Variants in CHTF18 observed in about 807,000 individuals in gnomAD.
CHTF18 encodes the protein chromosome transmission fidelity protein 18 homolog.
In CHTF18, 151 loss-of-function variants were observed where a neutral mutation model predicts 113.4. The observed-to-expected ratio is 1.33, with a 90% confidence interval of 1.17 to 1.52. The LOEUF (loss-of-function observed/expected upper bound fraction) is 1.52. Among genes scored for constraint, CHTF18 ranks in the 40% most tolerant of loss-of-function variants. CHTF18 has a pLI of 0.00. For synonymous variants in CHTF18, 916 were observed against 598.8 expected, an observed-to-expected ratio of 1.53 and a Z score of -7.74; for missense variants, 1,982 against 1,381.6, an observed-to-expected ratio of 1.43 and a Z score of -6.89.
chr16:793,932 C>T (rs896513365), intron 14 of CHTF18, 122 bp from the exon 15 acceptor site: 30 of 1,131,734 alleles, frequency 2.7e-5, no homozygotes, highest in African/African-American at 4.6e-5. Context: ...GCAGCAAGGG[C>T]CCTGCTGAGA....
At chr16:788,905 C>A in intron 1 of CHTF18, 26 bp from the exon 2 acceptor site, 2 of 1,512,124 alleles carry the variant, frequency 1.3e-6, no homozygotes, top group Non-Finnish European at 8.8e-7. Flanking sequence ...CTCGGGGCGG[C>A]CGCTGACAAT....
At chr16:797,556 G>C (rs1402662473) in intron 20 of CHTF18, 138 bp from the exon 21 acceptor site, 3 of 841,078 alleles carry the variant, frequency 3.6e-6, no homozygotes, top group Non-Finnish European at 5.6e-6. Context: ...GGGGCAGCTG[G>C]CCTGGGCCAG....
rs2042112804 is a variant in CHTF18 at position 789,590 on chromosome 16, C to T, written c.481C>T (p.Pro161Ser). Reference protein sequence around the residue: ...AADVGLTRASPAARNPVLRRP... With the variant: ...AADVGLTRASSAARNPVLRRP... ...CGACGTGGGTCTCACACGGGCCTCA[C>T]CAGCTGCCCGCAATCCCGTCCTGAG... Residue 161 changes from proline (P) to serine (S), a missense_variant, in exon 4 of 22, where the codon CCA becomes TCA. By Grantham distance (74) the Pro-to-Ser change is moderately conservative. Coordinates refer to ENST00000262315, the MANE Select transcript of CHTF18 (RefSeq NM_022092.3). The T allele has an allele frequency of 6.2e-7, 1 of 1,607,856 alleles. No individual in the cohort carries two copies. The highest frequency in any genetic ancestry group is 8.5e-7 in the Non-Finnish European group (1 of 1,178,996).
chr16:790,057 A>C (rs1596747187), intron 4 of CHTF18, 120 bp from the exon 5 acceptor site: 1 of 1,535,934 alleles, frequency 6.5e-7, no homozygotes, highest in Non-Finnish European at 8.7e-7. Flanking sequence ...CCAGTCTCCC[A>C]CCCCTCACTG....
chr16:795,901 T>C (rs2982244), intron 17 of CHTF18, 46 bp from the exon 18 acceptor site: 1,598,846 of 1,608,790 alleles, frequency 0.99, 794,483 homozygotes, highest in East Asian at 1. Context: ...GAGCACACAT[T>C]TGTACAGCCT....
chr16:792,555 C>T lies in CHTF18; in HGVS notation c.1443C>T (p.Leu481=), dbSNP rs760219494. 13 of 1,596,050 alleles carry T rather than the reference C, an allele frequency of 8.1e-6. No homozygotes were observed. In the East Asian group the frequency reaches 1.8e-4, roughly 22 times the overall value. Residue 481 remains leucine (L), a synonymous_variant, in exon 11 of 22, where the codon CTC becomes CTT. Coordinates refer to ENST00000262315, the MANE Select transcript of CHTF18 (RefSeq NM_022092.3). The stretch of plus-strand genomic sequence containing the variant: ...GACGGCGCCGGGCAGAGGGGGGGCT[C>T]CTCATGAGGCCCATTATCTGCATTT... ...GGRRRRAEGG[L]LMRPIICICN... is the part of the protein sequence containing the mutation.
At chr16:793,410 C>G in intron 14 of CHTF18, 136 bp downstream of exon 14, 1 of 1,151,014 alleles carries the variant, frequency 8.7e-7, no homozygotes, top group Non-Finnish European at 1.2e-6. Context: ...GTCCAGCCTC[C>G]AGGGCCCTCC....
Position 789,051 on chromosome 16 carries a change from TG to T in CHTF18, c.215del (p.Gly72AlafsTer39). The stretch of plus-strand genomic sequence containing the variant: ...TCCAGTCCCGCCCCAGCCGCATCTG[TG>T]GGCAGCAGCCAGGGCGGCGCCAGGA... ...AASSPAPAAS[V>X]GSSQGGARKR... On this transcript the variant is annotated frameshift_variant, in exon 2 of 22. Transcript: ENST00000262315. LOFTEE classifies it high-confidence loss of function. 1.3e-6 allele frequency: 2 copies of T among 1,539,128 alleles called. No homozygotes were observed. The highest frequency in any genetic ancestry group is 1.8e-6 in the Non-Finnish European group (2 of 1,142,194).
intron 18 of CHTF18, 30 bp downstream of exon 18, chr16:796,107 C>T: frequency 1.3e-6 from 2 of 1,585,946 alleles, no homozygotes; most frequent in Non-Finnish European, 1.7e-6. Context: ...GGGTGTGCTC[C>T]AGGGTCATGC....
Position 789,703 on chromosome 16 carries a change from C to T in CHTF18, c.594C>T (p.Ala198=), listed in dbSNP as rs2042119246. Residue 198 remains alanine (A), a synonymous_variant, in exon 4 of 22, where the codon GCC becomes GCT. Coordinates refer to ENST00000262315, the MANE Select transcript of CHTF18 (RefSeq NM_022092.3). ...TGGTGCTGCGTGCTGACCCCATGGC[C>T]CCGGGGGTGCAGGTGCGTGGCTGTG... is the stretch of plus-strand genomic sequence containing the variant. The part of the protein sequence containing the change: ...AYLVLRADPM[A]PGVQGSLLHV... 2 of 1,590,586 alleles carry T rather than the reference C, an allele frequency of 1.3e-6. No individual in the cohort carries two copies. The highest frequency in any genetic ancestry group is 1.1e-5 in the South Asian group (1 of 90,160).
chr16:791,568 C>T (rs1679686835), intron 8 of CHTF18, 198 bp downstream of exon 8: 1 of 1,433,740 alleles, frequency 7.0e-7, no homozygotes, highest in South Asian at 1.5e-5. Flanking sequence ...CTGAAGGGCT[C>T]TGCGGCTGGC....
At chr16:789,946 C>CT (rs2042133369) in intron 4 of CHTF18, 7 of 1,510,176 alleles carry the variant, frequency 4.6e-6, no homozygotes, top group Middle Eastern at 3.4e-4. Flanking sequence ...CTCCTTGCTT[C>CT]CCCTCCTGCT....
intron 7 of CHTF18, 199 bp downstream of exon 7, chr16:790,865 TA>T (rs2042178068): frequency 7.0e-7 from 1 of 1,431,258 alleles, no homozygotes; most frequent in African/African-American, 1.4e-5. Context: ...TGAGGCAGGC[TA>T]GGGGTCCAGG....
At position 792,984 on chromosome 16, in the gene CHTF18, A is replaced by G. The variant is rs1487084240; in HGVS notation, c.1591A>G (p.Met531Val). The change falls in exon 13 of 22, where the codon ATG becomes GTG. Residue 531 changes from methionine to valine, a missense_variant. Physicochemically the swap from Met to Val is conservative, Grantham distance 21. Coordinates refer to ENST00000262315, the MANE Select transcript of CHTF18 (RefSeq NM_022092.3). ...CCACCAGGTCTCCCTGCGGCAGGGC[A>G]TGAGGGCCGACCCAGGGGTGCTGGC... ...RLQEVSLRQG[M>V]RADPGVLAAL... 1 of 1,559,314 alleles carries G rather than the reference A, an allele frequency of 6.4e-7. No homozygotes were observed. The highest frequency in any genetic ancestry group is 8.7e-7 in the Non-Finnish European group (1 of 1,152,384).
Position 796,204 on chromosome 16 carries a change from C to T in CHTF18, c.2456+127C>T, listed in dbSNP as rs1031181677. On this transcript the variant is annotated intron_variant, in intron 18 of 21. Transcript: ENST00000262315. Reference sequence around the variant, plus strand: ...GGCGTCTGGGGGTGGCGGGCCCCAGCTTATCTTTTGCTCAGATGTAACCGT... The same window carrying T: ...GGCGTCTGGGGGTGGCGGGCCCCAGTTTATCTTTTGCTCAGATGTAACCGT... 8 of 1,261,764 alleles carry T rather than the reference C, an allele frequency of 6.3e-6. No individual in the cohort carries two copies. In the African/African-American group the frequency reaches 9.0e-5, roughly 14 times the overall value. The allele number at this position is 1,261,764 out of a possible 1,614,324, so 78.2% of individuals were successfully genotyped here. A position where few individuals can be genotyped will look rare whatever the true frequency, so the allele number is the denominator to read the frequency against.
At chr16:794,651 G>A (rs763581192) in intron 15 of CHTF18, 51 of 229,410 alleles carry the variant, frequency 2.2e-4, no homozygotes, top group Non-Finnish European at 4.1e-4. Context: ...TTAGCAGCTG[G>A]GGATCCACAA....
chr16:795,244 A>C lies in CHTF18; in HGVS notation c.2063A>C (p.His688Pro). Residue 688 changes from histidine to proline, a missense_variant, in exon 16 of 22, where the codon CAC becomes CCC. Transcript: ENST00000262315. ...GACCTGCTGGCGGGGGCTGCTCATC[A>C]CAGCCAGAGCTTCCAGCTGCTGCGC... ...FDDLLAGAAH[H>P]SQSFQLLRYP... The C allele has an allele frequency of 6.5e-7, 1 of 1,549,824 alleles. No homozygotes were observed. The highest frequency in any genetic ancestry group is 8.7e-7 in the Non-Finnish European group (1 of 1,147,106).
chr16:789,568 C>T lies in CHTF18; in HGVS notation c.459C>T (p.Asp153=), dbSNP rs745520553. Residue 153 remains aspartate, a synonymous_variant, in exon 4 of 22, where the codon GAC becomes GAT. Coordinates refer to ENST00000262315, the MANE Select transcript of CHTF18 (RefSeq NM_022092.3). ...CCAGAGTCTCAGAAGCTGCTGCCGA[C>T]GTGGGTCTCACACGGGCCTCACCAG... is the stretch of plus-strand genomic sequence containing the variant. The part of the protein sequence containing the change: ...WGHGVSEAAA[D]VGLTRASPAA... 1.7e-5 allele frequency: 27 copies of T among 1,604,198 alleles called. No individual in the cohort carries two copies. The highest frequency in any genetic ancestry group is 3.3e-4 in the Middle Eastern group (2 of 6,034).
At chr16:796,690 GC>G (rs2042357336) in intron 18 of CHTF18, 26 bp from the exon 19 acceptor site, 2 of 1,571,996 alleles carry the variant, frequency 1.3e-6, no homozygotes, top group Middle Eastern at 1.7e-4. Context: ...CCGCTGACCT[GC>G]CCTGGTGTCC....
Sources: allele counts gnomAD v4.1 joint callset, GRCh38; gene constraint gnomAD v4.1.1; transcripts MANE v1.5; gene names NCBI Gene and HGNC (gene_info 2026-07-23, HGNC 2026-07-21).